ATXN2: variants seen among roughly 807,000 people sequenced by gnomAD.
ATXN2 encodes ataxin 2.
In ATXN2, 37 loss-of-function variants were observed where a neutral mutation model predicts 138.6. The ratio of observed to expected loss-of-function variants is 0.27; its 90% CI spans 0.21 to 0.35. The LOEUF (loss-of-function observed/expected upper bound fraction) is 0.35, where lower values mean the gene tolerates loss of function less well. Among genes scored for constraint, ATXN2 ranks in the 10% least tolerant of loss-of-function variants. The pLI is 1.00. For missense variants in ATXN2, 1,216 were observed against 1,480.3 expected, an observed-to-expected ratio of 0.82 and a Z score of 2.93; for synonymous variants, 549 against 543.7, an observed-to-expected ratio of 1.01 and a Z score of -0.13.
At chr12:111,455,114 G>A (rs1222023560) in intron 23 of ATXN2, 2 of 702,860 alleles carry the variant, frequency 2.8e-6, no homozygotes, top group African/African-American at 3.5e-5. Flanking sequence ...GAGCCTCACT[G>A]GCGCACTATT....
intron 21 of ATXN2, among the ~76,000 whole-genome samples, chr12:111,460,100 G>A (rs1224434840): frequency 6.6e-6 from 1 of 151,944 alleles, no homozygotes; most frequent in Non-Finnish European, 1.5e-5. Flanking sequence ...TTGTTGTTTT[G>A]AGACGGAGTC....
At chr12:111,592,655 C>A (rs1211601681) in intron 1 of ATXN2, among the ~76,000 whole-genome samples, 3 of 149,636 alleles carry the variant, frequency 2.0e-5, no homozygotes, top group Non-Finnish European at 4.4e-5. Context: ...TGGTGGTGTG[C>A]GCATGTAGAC....
chr12:111,533,194 A>G lies in ATXN2; in HGVS notation c.572-7878T>C, dbSNP rs566083645. 2.0e-5 allele frequency among the ~76,000 whole-genome samples: 3 copies of G among 152,342 alleles called. No individual in the cohort carries two copies. The South Asian group carries it at 6.2e-4, about 32-fold the overall frequency. On this transcript the variant is annotated intron_variant, in intron 5 of 24. Coordinates refer to ENST00000673436, the MANE Select transcript of ATXN2 (RefSeq NM_001372574.1). Reference sequence around the variant, plus strand: ...TGTATGGAACAGAACTTAGGAGGCTATGTTTCCTAAAGAATAGTGTTCTCC... The same window carrying G: ...TGTATGGAACAGAACTTAGGAGGCTGTGTTTCCTAAAGAATAGTGTTCTCC...
chr12:111,491,858 G>A (rs1431123009), intron 14 of ATXN2, among the ~76,000 whole-genome samples: 1 of 152,144 alleles, frequency 6.6e-6, no homozygotes, highest in East Asian at 1.9e-4. Flanking sequence ...ACTTTATCTT[G>A]CAAGTGGGTG....
chr12:111,531,364 G>A (rs1880824940), intron 5 of ATXN2, among the ~76,000 whole-genome samples: 1 of 152,106 alleles, frequency 6.6e-6, no homozygotes, highest in Admixed American at 6.5e-5. Context: ...CTAGGGAGGC[G>A]GAGGTTGTAG....
chr12:111,518,185 G>C (rs1879960314), intron 9 of ATXN2, 64 bp downstream of exon 9: 1 of 1,349,426 alleles, frequency 7.4e-7, no homozygotes, highest in African/African-American at 1.5e-5. Flanking sequence ...ACTATTTTAA[G>C]TATTTTAAGT....
chr12:111,588,982 G>C (rs1472001967), intron 1 of ATXN2, among the ~76,000 whole-genome samples: 1 of 85,318 alleles, frequency 1.2e-5, no homozygotes, highest in East Asian at 7.0e-4. Context: ...GCGACAGAGC[G>C]AGATTTCTCA....
chr12:111,598,027 C>CG lies in ATXN2; in HGVS notation c.251+756dup. The CG allele has an allele frequency of 2.5e-6, 3 of 1,188,316 alleles. No homozygotes were observed. Among genetic ancestry groups the CG allele is most frequent in the Non-Finnish European group, 3.2e-6 (3 of 939,972 alleles). 73.6% of individuals were successfully genotyped at this position (1,188,316 alleles called of 1,614,324 possible). A position where few individuals can be genotyped will look rare whatever the true frequency, so the allele number is the denominator to read the frequency against. On this transcript the variant is annotated intron_variant, in intron 1 of 24. Transcript: ENST00000673436. This position sits in a 1 kb window ranked among gnomAD's most constrained non-coding sequence, Gnocchi z 4.5. ...GGAAGGAGGAAGGCCGGGACGGGGC[C>CG]GGGCACTCCCCACCCCTTCCCTTCC...
chr12:111,571,868 T>C (rs1389639677), intron 1 of ATXN2, among the ~76,000 whole-genome samples: 1 of 151,332 alleles, frequency 6.6e-6, no homozygotes, highest in Non-Finnish European at 1.5e-5. Flanking sequence ...AAAAATTAGC[T>C]GGGCGTGGCA....
chr12:111,595,431 C>T (rs555473109), intron 1 of ATXN2, among the ~76,000 whole-genome samples: 56 of 152,036 alleles, frequency 3.7e-4, no homozygotes, highest in Non-Finnish European at 6.8e-4. Context: ...CACCTGAGGT[C>T]GGTAGTACGA....
At chr12:111,592,240 C>T (rs1486272361) in intron 1 of ATXN2, among the ~76,000 whole-genome samples, 1 of 151,014 alleles carries the variant, frequency 6.6e-6, no homozygotes, top group Non-Finnish European at 1.5e-5. Context: ...AAATGCAAAA[C>T]TTAGCCAGGC....
At chr12:111,461,015 G>C (rs1293995449) in intron 21 of ATXN2, 1 of 152,058 alleles carries the variant, frequency 6.6e-6, no homozygotes, top group East Asian at 1.9e-4. Flanking sequence ...AAAACAAGAC[G>C]AACAAAAACC....
intron 1 of ATXN2, among the ~76,000 whole-genome samples, chr12:111,575,845 AG>A (rs1037749289): frequency 2.0e-5 from 3 of 152,170 alleles, no homozygotes; most frequent in Non-Finnish European, 2.9e-5. Flanking sequence ...GCACTTTGGG[AG>A]GCCAAGGCGG....
chr12:111,543,971 G>C (rs1881671952), intron 5 of ATXN2, among the ~76,000 whole-genome samples: 1 of 152,116 alleles, frequency 6.6e-6, no homozygotes, highest in African/African-American at 2.4e-5. Flanking sequence ...CCAGCTACTT[G>C]GGAGGCTGAG....
At chr12:111,585,144 C>G (rs189646865) in intron 1 of ATXN2, among the ~76,000 whole-genome samples, 36 of 152,234 alleles carry the variant, frequency 2.4e-4, no homozygotes, top group African/African-American at 8.2e-4. Context: ...CCATTATGAG[C>G]ACATTAACTA....
chr12:111,510,351 G>C (rs1445190483), intron 12 of ATXN2, 34 bp downstream of exon 12: 7 of 1,591,018 alleles, frequency 4.4e-6, no homozygotes, highest in Non-Finnish European at 6.0e-6. Context: ...TTTCACAGCT[G>C]AGATTATGGA....
At chr12:111,594,433 G>C (rs749774627) in intron 1 of ATXN2, among the ~76,000 whole-genome samples, 1 of 151,882 alleles carries the variant, frequency 6.6e-6, no homozygotes, top group Non-Finnish European at 1.5e-5. Context: ...CCGCCTCCTG[G>C]GCTCAAGTGA....
intron 14 of ATXN2, among the ~76,000 whole-genome samples, chr12:111,502,237 C>G (rs1228122711): frequency 1.3e-5 from 2 of 152,170 alleles, no homozygotes; most frequent in Non-Finnish European, 2.9e-5. Context: ...TTAGTCTTCA[C>G]AACAGCCCTA....
chr12:111,575,310 T>C (rs1373787299), intron 1 of ATXN2, among the ~76,000 whole-genome samples: 3 of 152,134 alleles, frequency 2.0e-5, no homozygotes, highest in African/African-American at 4.8e-5. Flanking sequence ...TTCAGCCTCG[T>C]AGTAGCTGCG....
Sources: allele counts gnomAD v4.1 joint callset (sites outside exome capture counted in the v4.1 genomes callset), GRCh38; gene constraint gnomAD v4.1.1; non-coding constraint Gnocchi (gnomAD v3.1); transcripts MANE v1.5; gene names NCBI Gene and HGNC (gene_info 2026-07-23, HGNC 2026-07-21).